The following MIB1 variants were observed in gnomAD, a reference collection of about 807,000 sequenced individuals.
MIB1 encodes the protein MIB E3 ubiquitin protein ligase 1.
Under a neutral mutation model 124.5 loss-of-function variants are expected in MIB1, and 278 were observed. That is an observed-to-expected ratio of 2.23 (90% CI 2.02 to 2.47). The LOEUF (loss-of-function observed/expected upper bound fraction) is 2.47. MIB1 is among the 30% of genes most tolerant of loss of function. The probability of loss-of-function intolerance (pLI) is 0.00; values close to 1 mark genes in which losing one functional copy is unlikely to be tolerated. For missense variants in MIB1, 957 were observed against 1,254.4 expected, an observed-to-expected ratio of 0.76 and a Z score of 3.58; for synonymous variants, 446 against 429.4, an observed-to-expected ratio of 1.04 and a Z score of -0.48.
At chr18:21,848,904 G>A (rs1397957903) in intron 16 of MIB1, among the ~76,000 whole-genome samples, 3 of 151,922 alleles carry the variant, frequency 2.0e-5, no homozygotes, top group Non-Finnish European at 4.4e-5. Flanking sequence ...TTTTGTTTAT[G>A]CTAAGTTTTT....
intron 7 of MIB1, among the ~76,000 whole-genome samples, chr18:21,796,350 A>G (rs1160224083): frequency 6.6e-6 from 1 of 150,462 alleles, no homozygotes. Flanking sequence ...CAATGAGAAC[A>G]TGTGGACACA....
rs927797802 is a variant in MIB1 at position 21,821,586 on chromosome 18, T to G, written c.1829+1940T>G. Among the ~76,000 whole-genome samples the G allele has an allele frequency of 1.3e-4, 19 of 147,036 alleles. 1 individual carries two copies. Among genetic ancestry groups the G allele is most frequent in the East Asian group, 3.9e-4 (2 of 5,174 alleles). On this transcript the variant is annotated intron_variant, in intron 12 of 20. Coordinates refer to ENST00000261537, the MANE Select transcript of MIB1 (RefSeq NM_020774.4). The stretch of plus-strand genomic sequence containing the variant: ...TCTATACTTCCTTGTTCTGTGTGTG[T>G]TTTTTTTGTTTTTTTTGTTTTTTTT...
At position 21,729,556 on chromosome 18, in the gene MIB1, C is replaced by T. The variant is rs375538594; in HGVS notation, n.167+24433C>T. 2.6e-5 allele frequency among the ~76,000 whole-genome samples: 4 copies of T among 152,148 alleles called. No homozygotes were observed. In the East Asian group the frequency reaches 7.7e-4, roughly 29 times the overall value. ...CCAGGGTGGAGTGCAGTGGCATGATCTCAGCTCACTGCAACCTCTGCCTCC... is the reference window on the plus strand; with the variant it reads ...CCAGGGTGGAGTGCAGTGGCATGATTTCAGCTCACTGCAACCTCTGCCTCC... On this transcript the variant is annotated intron_variant and non_coding_transcript_variant, in intron 1 of 20. Coordinates refer to the MIB1 transcript ENST00000578646.
chr18:21,820,257 A>G (rs989731863), intron 12 of MIB1, among the ~76,000 whole-genome samples: 17 of 152,180 alleles, frequency 1.1e-4, no homozygotes, highest in Admixed American at 1.1e-3. Context: ...CCATTAACTC[A>G]CTTTTTGGAA....
chr18:21,821,992 A>G (rs2041883473), intron 12 of MIB1, among the ~76,000 whole-genome samples: 1 of 152,182 alleles, frequency 6.6e-6, no homozygotes, highest in Non-Finnish European at 1.5e-5. Flanking sequence ...CATTGTGGGC[A>G]TTCATATTCA....
intron 13 of MIB1, among the ~76,000 whole-genome samples, chr18:21,841,139 G>A (rs1403863244): frequency 2.6e-5 from 4 of 152,156 alleles, no homozygotes; most frequent in Admixed American, 1.3e-4. Flanking sequence ...GCTGAGACGG[G>A]TAGATCACTT....
At chr18:21,783,289 C>A (rs2041392602) in intron 6 of MIB1, among the ~76,000 whole-genome samples, 2 of 151,532 alleles carry the variant, frequency 1.3e-5, no homozygotes, top group South Asian at 2.1e-4. Flanking sequence ...GTCGCCCAGG[C>A]TGGAGTGCAG....
At chr18:21,765,666 T>G (rs1036487630) in intron 1 of MIB1, 106 bp from the exon 2 acceptor site, 55 of 1,075,672 alleles carry the variant, frequency 5.1e-5, no homozygotes, top group Non-Finnish European at 3.1e-5. Flanking sequence ...CCTAATTTAT[T>G]AGAATATCTT....
chr18:21,748,471 C>T (rs2040937062), intron 1 of MIB1, among the ~76,000 whole-genome samples: 1 of 149,526 alleles, frequency 6.7e-6, no homozygotes, highest in Non-Finnish European at 1.5e-5. Flanking sequence ...CTCTTGTCCC[C>T]CAGGCCAGAG....
At chr18:21,830,868 C>G (rs1314696086) in intron 12 of MIB1, 3 of 152,018 alleles carry the variant, frequency 2.0e-5, no homozygotes, top group Non-Finnish European at 4.4e-5. Flanking sequence ...CCCCTCTTCC[C>G]TTTACCAAAA....
intron 7 of MIB1, among the ~76,000 whole-genome samples, chr18:21,796,115 T>C (rs942542612): frequency 2.1e-5 from 3 of 140,202 alleles, no homozygotes; most frequent in African/African-American, 8.0e-5. Flanking sequence ...TTTGATGGGG[T>C]CGTTTGTTTT....
chr18:21,750,521 G>T (rs1217649073), intron 1 of MIB1, among the ~76,000 whole-genome samples: 1 of 152,146 alleles, frequency 6.6e-6, no homozygotes, highest in Non-Finnish European at 1.5e-5. Flanking sequence ...TAGAGACGGG[G>T]TTTCACCGTG....
At chr18:21,722,795 G>A (rs186714240) in intron 1 of MIB1, among the ~76,000 whole-genome samples, 120 of 152,230 alleles carry the variant, frequency 7.9e-4, no homozygotes, top group Admixed American at 1.3e-3. Context: ...TTTTTGGAAA[G>A]GATACCTCAA....
chr18:21,779,076 G>T (rs1360838970), intron 5 of MIB1, among the ~76,000 whole-genome samples: 1 of 152,048 alleles, frequency 6.6e-6, no homozygotes. Flanking sequence ...ATAGTACTAA[G>T]CACTTAATGG....
chr18:21,707,078 A>G lies in MIB1; in HGVS notation n.167+1955A>G, dbSNP rs148414087. On this transcript the variant is annotated intron_variant and non_coding_transcript_variant, in intron 1 of 20. Transcript: ENST00000578646. ...TAGCTCAAGGTTTGTAAATGCACCA[A>G]TCAGCACTCTGTATCTAGCTAATCT... Among the ~76,000 whole-genome samples the G allele has an allele frequency of 8.9e-3, 1,359 of 152,346 alleles. 22 individuals are homozygous for G. Among genetic ancestry groups the G allele is most frequent in the African/African-American group, 0.028 (1,146 of 41,582 alleles).
intron 3 of MIB1, 143 bp downstream of exon 3, chr18:21,768,895 G>A: frequency 1.4e-6 from 1 of 709,648 alleles, no homozygotes; most frequent in Non-Finnish European, 2.0e-6. Flanking sequence ...TTTTTCTCTG[G>A]AAGTAAAAAG....
chr18:21,844,617 C>T (rs570205871), intron 15 of MIB1, among the ~76,000 whole-genome samples: 11 of 152,184 alleles, frequency 7.2e-5, no homozygotes, highest in East Asian at 1.9e-4. Flanking sequence ...TTAGTAGAGA[C>T]GGAGTTTCAC....
rs193174670 is a variant in MIB1, at chr18:21,800,646, A to G, written c.1371+672A>G. Among the ~76,000 whole-genome samples, 219 of 152,228 alleles carry G rather than the reference A, an allele frequency of 1.4e-3. 2 individuals are homozygous for G. Among genetic ancestry groups the G allele is most frequent in the African/African-American group, 5.0e-3 (208 of 41,558 alleles). ...AGTTGTAGTTGGAGTGACAATTTGA[A>G]TCATTCTCACTGTGTTGTAAGGGTT... On this transcript the variant is annotated intron_variant, in intron 9 of 20. Transcript: ENST00000261537.
chr18:21,757,409 G>GCCA (rs1347226339), intron 1 of MIB1, among the ~76,000 whole-genome samples: 1 of 106,646 alleles, frequency 9.4e-6, no homozygotes, highest in East Asian at 3.4e-4. Flanking sequence ...CCGAGATCAT[G>GCCA]CCACCGCTCT....
Sources: gnomAD v4.1 joint callset for allele counts (sites outside exome capture counted in the v4.1 genomes callset) on GRCh38, gnomAD v4.1.1 for gene constraint, MANE v1.5 for transcripts, NCBI Gene and HGNC (gene_info 2026-07-23, HGNC 2026-07-21) for gene names.